The following TENM1 variants were observed in gnomAD, a reference collection of about 807,000 sequenced individuals.
The protein encoded by TENM1 is teneurin transmembrane protein 1, also known as teneurin-1.
A neutral mutation model predicts 174.8 loss-of-function variants in TENM1; 35 were observed. The observed-to-expected ratio is 0.20, with a 90% CI of 0.15 to 0.27. The LOEUF (loss-of-function observed/expected upper bound fraction) is 0.27, where lower values mean the gene tolerates loss of function less well. Among genes scored for constraint, TENM1 ranks in the 10% least tolerant of loss-of-function variants. TENM1 has a pLI of 1.00. For missense variants in TENM1, 1,633 were observed against 2,130.1 expected (o/e 0.77, Z 4.59); for synonymous variants, 781 against 798.7 (o/e 0.98, Z 0.37).
intron 3 of TENM1, among the ~76,000 whole-genome samples, chrX:124,868,519 G>A (rs1318558232): frequency 1.8e-5 from 2 of 111,315 alleles, no homozygotes; most frequent in African/African-American, 3.3e-5. Context: ...CTCAGCCTAC[G>A]AAACTACTAC....
At chrX:125,168,200 A>G in the TENM1 span, among the ~76,000 whole-genome samples, 1 of 111,755 alleles carries the variant, frequency 8.9e-6, no homozygotes, top group Non-Finnish European at 1.9e-5. Context: ...GTATGTTTTC[A>G]AGAGTTACCT....
chrX:124,757,627 G>C (rs1456063205), intron 3 of TENM1, among the ~76,000 whole-genome samples: 1 of 112,191 alleles, frequency 8.9e-6, no homozygotes, highest in Non-Finnish European at 1.9e-5. Context: ...TTCCTATTCG[G>C]CCATCTTTGT....
At chrX:125,103,003 A>G in the TENM1 span, among the ~76,000 whole-genome samples, 1 of 112,160 alleles carries the variant, frequency 8.9e-6, no homozygotes, top group African/African-American at 3.2e-5. Context: ...ACTAAAAAGT[A>G]TCCACGATGA....
At chrX:124,376,748 T>C (rs1219552648) in exon 32 of TENM1, 1 of 111,453 alleles carries the variant, frequency 9.0e-6, no homozygotes, top group African/African-American at 3.3e-5. Flanking sequence ...TTTTTTGTTT[T>C]TTTGTTTTTT....
At chrX:124,604,024 T>C (rs2148286868) in intron 11 of TENM1, among the ~76,000 whole-genome samples, 1 of 111,952 alleles carries the variant, frequency 8.9e-6, no homozygotes, top group Admixed American at 9.5e-5. Flanking sequence ...CACAATAACA[T>C]GTTCACCCTT....
intron 26 of TENM1, among the ~76,000 whole-genome samples, chrX:124,405,829 C>T (rs768904035): frequency 9.0e-6 from 1 of 110,791 alleles, no homozygotes; most frequent in South Asian, 3.9e-4. Context: ...ATCCTATCTC[C>T]CTTCCTTCCT....
chrX:124,486,482 T>C (rs963958264), intron 21 of TENM1, among the ~76,000 whole-genome samples: 5 of 112,187 alleles, frequency 4.5e-5, no homozygotes, highest in Non-Finnish European at 9.4e-5. Flanking sequence ...GGAAGTGGCA[T>C]TGCCCAAATG....
the TENM1 span, among the ~76,000 whole-genome samples, chrX:125,171,166 T>A: frequency 9.1e-6 from 1 of 110,332 alleles, no homozygotes; most frequent in African/African-American, 3.3e-5. Flanking sequence ...CACACACCAC[T>A]TTCCCTCCAA....
intron 11 of TENM1, among the ~76,000 whole-genome samples, chrX:124,637,540 C>T (rs943050347): frequency 2.7e-5 from 3 of 110,997 alleles, no homozygotes; most frequent in South Asian, 3.8e-4. Flanking sequence ...AGTCATTTAC[C>T]GAACGACTTT....
chrX:125,071,705 C>T, the TENM1 span, among the ~76,000 whole-genome samples: 3 of 111,160 alleles, frequency 2.7e-5, no homozygotes, highest in African/African-American at 9.8e-5. Context: ...ATTTCATTTT[C>T]ACCTCTCTAT....
intron 11 of TENM1, among the ~76,000 whole-genome samples, chrX:124,581,060 CTT>C (rs1202109466): frequency 0.02 from 1,296 of 63,936 alleles, 26 homozygotes; most frequent in African/African-American, 0.077. Context: ...ATACTTAGTT[CTT>C]TTTTTTTTTT....
the TENM1 span, among the ~76,000 whole-genome samples, chrX:125,080,202 A>C: frequency 3.6e-5 from 4 of 111,526 alleles, no homozygotes; most frequent in South Asian, 1.5e-3. Flanking sequence ...TAAACAATGA[A>C]AAGTGAAAGG....
the TENM1 span, among the ~76,000 whole-genome samples, chrX:125,028,151 A>T: frequency 8.9e-6 from 1 of 112,144 alleles, no homozygotes; most frequent in Non-Finnish European, 1.9e-5. Context: ...AATACTCATA[A>T]GAATATTTAC....
intron 3 of TENM1, among the ~76,000 whole-genome samples, chrX:124,852,110 T>C (rs902001966): frequency 3.6e-5 from 4 of 110,760 alleles, no homozygotes; most frequent in African/African-American, 1.3e-4. Flanking sequence ...TGTGGTGTAG[T>C]TGGAGAAAAA....
chrX:124,674,391 C>G (rs1233511361), intron 5 of TENM1, among the ~76,000 whole-genome samples: 1 of 103,319 alleles, frequency 9.7e-6, no homozygotes, highest in African/African-American at 3.6e-5. Context: ...CTGAAAGGGG[C>G]TAATTAGTAT....
the TENM1 span, among the ~76,000 whole-genome samples, chrX:125,185,538 T>C: frequency 8.9e-6 from 1 of 112,708 alleles, no homozygotes; most frequent in Non-Finnish European, 1.9e-5. Context: ...TTACATGACA[T>C]GCAATAAATA....
the TENM1 span, among the ~76,000 whole-genome samples, chrX:125,062,308 T>G: frequency 9.0e-6 from 1 of 111,426 alleles, no homozygotes; most frequent in African/African-American, 3.3e-5. Flanking sequence ...AAAGGGGAAA[T>G]TTCCATAAGA....
At chrX:124,512,078 T>C (rs771753249) in intron 18 of TENM1, among the ~76,000 whole-genome samples, 1 of 112,110 alleles carries the variant, frequency 8.9e-6, no homozygotes, top group African/African-American at 3.2e-5. Context: ...TCCAAACTGC[T>C]GCAATTTAAT....
At chrX:124,465,978 C>T (rs1178553191) in intron 22 of TENM1, among the ~76,000 whole-genome samples, 3 of 111,763 alleles carry the variant, frequency 2.7e-5, no homozygotes, top group South Asian at 3.7e-4. Flanking sequence ...ATATACCAGG[C>T]GCATGATGTG....
Sources: allele counts gnomAD v4.1 joint callset (sites outside exome capture counted in the v4.1 genomes callset), GRCh38; gene constraint gnomAD v4.1.1; transcripts MANE v1.5; gene names NCBI Gene and HGNC (gene_info 2026-07-23, HGNC 2026-07-21).